RELN: variants seen among roughly 807,000 people sequenced by gnomAD.
RELN encodes the protein reelin.
Under a neutral mutation model 427.6 loss-of-function variants are expected in RELN, and 108 were observed. The ratio of observed to expected loss-of-function variants is 0.25; its 90% CI spans 0.22 to 0.30. The LOEUF (loss-of-function observed/expected upper bound fraction) is 0.30, where lower values mean the gene tolerates loss of function less well. Among genes scored for constraint, RELN ranks in the 10% least tolerant of loss-of-function variants. The pLI is 1.00. For synonymous variants in RELN, 1,524 were observed against 1,513.4 expected, an observed-to-expected ratio of 1.01 and a Z score of -0.16; for missense variants, 3,715 against 4,302.8, an observed-to-expected ratio of 0.86 and a Z score of 3.82.
At chr7:103,709,703 G>A (rs1789745821) in intron 8 of RELN, among the ~76,000 whole-genome samples, 1 of 152,170 alleles carries the variant, frequency 6.6e-6, no homozygotes, top group Non-Finnish European at 1.5e-5. Flanking sequence ...AACAGTAAAA[G>A]TTGTTTGTCA....
At chr7:103,575,739 C>A (rs1332818987) in intron 28 of RELN, 34 bp from the exon 29 acceptor site, 2 of 1,611,808 alleles carry the variant, frequency 1.2e-6, no homozygotes, top group Admixed American at 1.7e-5. Context: ...GTTTCTTGTA[C>A]CAACATCTCA....
chr7:103,519,760 A>T (rs1829658524), intron 48 of RELN, among the ~76,000 whole-genome samples: 1 of 151,932 alleles, frequency 6.6e-6, no homozygotes, highest in African/African-American at 2.4e-5. Context: ...TTTTTTGTAG[A>T]GACAGGGTTT....
intron 8 of RELN, among the ~76,000 whole-genome samples, chr7:103,704,230 A>T (rs1430863098): frequency 6.6e-6 from 1 of 152,216 alleles, no homozygotes; most frequent in Non-Finnish European, 1.5e-5. Context: ...ACCCCATAAT[A>T]TATAAGGCAA....
chr7:103,751,972 T>C (rs984798311), intron 5 of RELN, among the ~76,000 whole-genome samples: 1 of 152,184 alleles, frequency 6.6e-6, no homozygotes, highest in African/African-American at 2.4e-5. Flanking sequence ...TTAAAATAAA[T>C]CTTCACTGAC....
intron 1 of RELN, among the ~76,000 whole-genome samples, chr7:103,919,251 C>T (rs1439832729): frequency 2.0e-5 from 3 of 150,480 alleles, no homozygotes; most frequent in Non-Finnish European, 4.4e-5. Flanking sequence ...ATAATGGGTC[C>T]AATCTCTGTG....
At chr7:103,512,038 C>A (rs1214226785) in intron 50 of RELN, among the ~76,000 whole-genome samples, 5 of 152,062 alleles carry the variant, frequency 3.3e-5, no homozygotes, top group Non-Finnish European at 5.9e-5. Context: ...GAGACATATC[C>A]TCTTAACATA....
intron 1 of RELN, among the ~76,000 whole-genome samples, chr7:103,948,952 C>G (rs996357764): frequency 8.9e-5 from 13 of 146,394 alleles, no homozygotes; most frequent in African/African-American, 3.4e-4. Flanking sequence ...GCAGACAATA[C>G]TGCAATGAGC....
intron 55 of RELN, among the ~76,000 whole-genome samples, chr7:103,497,029 A>C (rs909123038): frequency 6.6e-6 from 1 of 152,210 alleles, no homozygotes; most frequent in Admixed American, 6.5e-5. Context: ...TTTTGCTTTT[A>C]AAATTTAGTT....
chr7:103,771,678 C>T (rs779031447), intron 4 of RELN, among the ~76,000 whole-genome samples: 11 of 152,180 alleles, frequency 7.2e-5, no homozygotes, highest in Non-Finnish European at 1.2e-4. Flanking sequence ...CCAAAAGTGA[C>T]GGAGTAGCCC....
At chr7:103,517,258 G>A (rs1001490773) in intron 49 of RELN, among the ~76,000 whole-genome samples, 1 of 127,096 alleles carries the variant, frequency 7.9e-6, no homozygotes, top group Non-Finnish European at 1.6e-5. Context: ...CATACTATCC[G>A]AAATCTGTCA....
At chr7:103,536,978 C>T (rs1830066787) in intron 45 of RELN, among the ~76,000 whole-genome samples, 1 of 152,188 alleles carries the variant, frequency 6.6e-6, no homozygotes, top group South Asian at 2.1e-4. Context: ...CTTAGAAGTC[C>T]TTTCACTTGA....
At chr7:103,882,483 C>T (rs1794629771) in intron 2 of RELN, among the ~76,000 whole-genome samples, 1 of 151,708 alleles carries the variant, frequency 6.6e-6, no homozygotes, top group Admixed American at 6.6e-5. Context: ...TTGTATTTAT[C>T]CTGTCCTTTA....
chr7:103,566,535 G>A, intron 32 of RELN, 66 bp downstream of exon 32: 1 of 1,597,084 alleles, frequency 6.3e-7, no homozygotes. Context: ...AACACACAGT[G>A]CAAGGTGGGT....
chr7:103,877,303 T>C (rs906963668), intron 2 of RELN, among the ~76,000 whole-genome samples: 2 of 152,132 alleles, frequency 1.3e-5, no homozygotes, highest in African/African-American at 4.8e-5. Flanking sequence ...TATTGGACAC[T>C]TCCATTTGAA....
At chr7:103,556,125 A>G (rs1164684136) in intron 38 of RELN, among the ~76,000 whole-genome samples, 2 of 152,208 alleles carry the variant, frequency 1.3e-5, no homozygotes, top group Admixed American at 1.3e-4. Context: ...CATTCACTTT[A>G]ACTTATCACT....
intron 2 of RELN, among the ~76,000 whole-genome samples, chr7:103,871,082 A>C (rs145548746): frequency 1.3e-3 from 193 of 152,162 alleles, no homozygotes; most frequent in South Asian, 3.9e-3. Context: ...GTAAAAACCC[A>C]ATCTATTTGG....
intron 1 of RELN, among the ~76,000 whole-genome samples, chr7:103,986,767 AG>A (rs1329208000): frequency 1.1e-4 from 17 of 152,318 alleles, no homozygotes; most frequent in African/African-American, 4.1e-4. Flanking sequence ...AAGATCCAGA[AG>A]GTTAGAAATA....
chr7:103,928,579 A>T (rs558681439), intron 1 of RELN, among the ~76,000 whole-genome samples: 1 of 152,242 alleles, frequency 6.6e-6, no homozygotes, highest in Non-Finnish European at 1.5e-5. Flanking sequence ...CTATCCATGG[A>T]TGAAAAATTA....
rs184831423 is a variant in RELN, at chr7:103,687,331, A to C, written c.1144-5070T>G. 2.8e-4 allele frequency among the ~76,000 whole-genome samples: 43 copies of C among 152,286 alleles called. 1 individual carries two copies. In the East Asian group the frequency reaches 7.7e-3, roughly 27 times the overall value. ...AATTAAGGGCAAAGATGCCAGGCAC[A>C]GTGTGGGAGACTGCAAGATAACATG... On this transcript the variant is annotated intron_variant, in intron 10 of 64. Transcript: ENST00000428762.
Sources: gnomAD v4.1 joint callset for allele counts (sites outside exome capture counted in the v4.1 genomes callset) on GRCh38, gnomAD v4.1.1 for gene constraint, MANE v1.5 for transcripts, NCBI Gene and HGNC (gene_info 2026-07-23, HGNC 2026-07-21) for gene names.